ERCC6: variants seen among roughly 807,000 people sequenced by gnomAD.
ERCC6 encodes ERCC excision repair 6, chromatin remodeling factor, also known as DNA excision repair protein ERCC-6.
ERCC6 carries 116 observed loss-of-function variants against 158.7 expected under a neutral mutation model. The ratio of observed to expected loss-of-function variants is 0.73; its 90% CI spans 0.63 to 0.85. ERCC6 has a LOEUF of 0.85. Among genes scored for constraint, ERCC6 ranks in the 40% least tolerant of loss-of-function variants. ERCC6 has a pLI of 0.00. For synonymous variants in ERCC6, 678 were observed against 659.3 expected, an observed-to-expected ratio of 1.03 and a Z score of -0.43; for missense variants, 1,698 against 1,799.4, an observed-to-expected ratio of 0.94 and a Z score of 1.02.
intron 10 of ERCC6, among the ~76,000 whole-genome samples, chr10:49,482,248 C>A (rs187895672): frequency 1.2e-4 from 18 of 152,250 alleles, no homozygotes; most frequent in African/African-American, 4.3e-4. Flanking sequence ...CTGAACAGTC[C>A]AATCCTCCTA....
chr10:49,466,546 C>T (rs1377325948), intron 18 of ERCC6, among the ~76,000 whole-genome samples: 1 of 152,180 alleles, frequency 6.6e-6, no homozygotes. Flanking sequence ...ACATTATGTA[C>T]ATACCATGAA....
At chr10:49,477,074 T>C in intron 11 of ERCC6, among the ~76,000 whole-genome samples, 1 of 152,116 alleles carries the variant, frequency 6.6e-6, no homozygotes, top group East Asian at 1.9e-4. Context: ...CCTCTACGCA[T>C]GCCCGCCCAG....
At chr10:49,460,842 T>G (rs1371518422) in intron 19 of ERCC6, among the ~76,000 whole-genome samples, 1 of 149,816 alleles carries the variant, frequency 6.7e-6, no homozygotes, top group African/African-American at 2.5e-5. Context: ...TGGGCCAAGA[T>G]CACACCACTG....
the ERCC6 span, among the ~76,000 whole-genome samples, chr10:49,447,134 T>G: frequency 5.3e-5 from 8 of 151,718 alleles, no homozygotes; most frequent in East Asian, 1.2e-3. Context: ...AAAAGACACA[T>G]AAATCATAAT....
chr10:49,534,133 C>CAAAAAAAAAAA (rs746772551), intron 1 of ERCC6, among the ~76,000 whole-genome samples: 189 of 59,880 alleles, frequency 3.2e-3, no homozygotes, highest in Middle Eastern at 0.013. Context: ...GACTCAATCT[C>CAAAAAAAAAAA]AAAAAAAAAA....
chr10:49,528,556 A>T, intron 3 of ERCC6, 31 bp from the exon 4 acceptor site: 1 of 1,611,706 alleles, frequency 6.2e-7, no homozygotes, highest in Non-Finnish European at 8.5e-7. Flanking sequence ...GACAGAAAAC[A>T]GCAATGAAGT....
intron 6 of ERCC6, 176 bp from the exon 7 acceptor site, chr10:49,500,872 C>T (rs957179554): frequency 1.5e-6 from 1 of 665,390 alleles, no homozygotes; most frequent in East Asian, 2.8e-5. Flanking sequence ...CATTTTTGAT[C>T]ACCTAGGCAT....
chr10:49,470,967 T>C lies in ERCC6; in HGVS notation c.3070+8A>G, dbSNP rs776675510. 8.7e-6 allele frequency: 14 copies of C among 1,613,858 alleles called. No homozygotes were observed. Among genetic ancestry groups the C allele is most frequent in the Admixed American group, 8.3e-5 (5 of 60,014 alleles). The stretch of plus-strand genomic sequence containing the variant: ...GATTACTTTAAATTAAATGATTTTA[T>C]GTAATACCTGCAAAAATTGCACTTG... On this transcript the variant is annotated splice_region_variant and intron_variant, in intron 17 of 20. Transcript: ENST00000355832.
At chr10:49,481,150 G>C (rs1850971689) in intron 10 of ERCC6, among the ~76,000 whole-genome samples, 1 of 152,238 alleles carries the variant, frequency 6.6e-6, no homozygotes, top group African/African-American at 2.4e-5. Flanking sequence ...AACCTCAGCT[G>C]TGAATCTACA....
chr10:49,531,184 G>A (rs377326746), intron 2 of ERCC6, among the ~76,000 whole-genome samples: 5 of 152,270 alleles, frequency 3.3e-5, no homozygotes, highest in African/African-American at 1.2e-4. Flanking sequence ...ATGAAAAAAT[G>A]CATACATGGG....
intron 7 of ERCC6, among the ~76,000 whole-genome samples, chr10:49,493,486 T>G (rs1468712211): frequency 6.6e-6 from 1 of 152,196 alleles, no homozygotes; most frequent in East Asian, 1.9e-4. Context: ...GAGAAAACAC[T>G]TAATAATATA....
chr10:49,464,670 G>A (rs1489386943), intron 18 of ERCC6, among the ~76,000 whole-genome samples: 8 of 152,208 alleles, frequency 5.3e-5, no homozygotes, highest in African/African-American at 1.7e-4. Flanking sequence ...GGGACTTGGT[G>A]TACTGTGTCC....
rs1438762862 is a variant in ERCC6, at chr10:49,456,147, T to C, written c.*2668A>G. 3.9e-5 allele frequency: 6 copies of C among 152,196 alleles called. No individual in the cohort carries two copies. The highest frequency in any genetic ancestry group is 1.4e-4 in the African/African-American group (6 of 41,450). The allele number at this position is 152,196 out of a possible 1,614,324, so 9.4% of individuals were successfully genotyped here. ...TGCTATAATAGACTTCAAAAGACAGTAGCTTAAGCAAGTCAGTATTTTATT... is the reference window on the plus strand; with the variant it reads ...TGCTATAATAGACTTCAAAAGACAGCAGCTTAAGCAAGTCAGTATTTTATT... On this transcript the variant is annotated 3_prime_UTR_variant, in exon 21 of 21. Coordinates refer to ENST00000355832, the MANE Select transcript of ERCC6 (RefSeq NM_000124.4).
intron 12 of ERCC6, 47 bp from the exon 13 acceptor site, chr10:49,474,289 G>T (rs768070674): frequency 2.0e-6 from 3 of 1,473,488 alleles, no homozygotes; most frequent in Admixed American, 1.7e-5. Flanking sequence ...CCCATGTAAA[G>T]TAAGATTCCC....
intron 5 of ERCC6, among the ~76,000 whole-genome samples, chr10:49,511,348 A>AT (rs1165697012): frequency 6.6e-6 from 1 of 151,772 alleles, no homozygotes; most frequent in Non-Finnish European, 1.5e-5. Context: ...TCCCACTTTC[A>AT]TTTTTTTCTT....
chr10:49,508,275 G>A (rs1470871629), intron 5 of ERCC6, among the ~76,000 whole-genome samples: 1 of 152,084 alleles, frequency 6.6e-6, no homozygotes, highest in Non-Finnish European at 1.5e-5. Context: ...TTATATACAG[G>A]GTATCACTTT....
In ERCC6 at chr10:49,525,140, G is replaced by A. The variant is rs542664606; in HGVS notation, c.653-363C>T. 63 of 274,532 alleles carry A rather than the reference G, an allele frequency of 2.3e-4. 1 individual carries two copies. In the South Asian group the frequency reaches 2.5e-3, roughly 11 times the overall value. 17.0% of individuals were successfully genotyped at this position (274,532 alleles called of 1,614,324 possible). On this transcript the variant is annotated intron_variant, in intron 4 of 20. Transcript: ENST00000355832. ...AGTCGTCCATGAGGAAGCAAGCTCC[G>A]AAGTTCTCACGTCATTGCTAAAACC...
downstream of ERCC6, among the ~76,000 whole-genome samples, chr10:49,449,898 G>C (rs1850402657): frequency 6.9e-6 from 1 of 144,334 alleles, no homozygotes; most frequent in Non-Finnish European, 1.5e-5. Context: ...TTTGAGATAG[G>C]GTCTTGCTCT....
At chr10:49,491,686 C>G (rs1475204125) in intron 8 of ERCC6, among the ~76,000 whole-genome samples, 1 of 152,190 alleles carries the variant, frequency 6.6e-6, no homozygotes, top group African/African-American at 2.4e-5. Context: ...GACAAAGGAA[C>G]TGGAGGCAAG....
Sources: gnomAD v4.1 joint callset for allele counts (sites outside exome capture counted in the v4.1 genomes callset) on GRCh38, gnomAD v4.1.1 for gene constraint, MANE v1.5 for transcripts, NCBI Gene and HGNC (gene_info 2026-07-23, HGNC 2026-07-21) for gene names.